C8orf88: variants seen among roughly 807,000 people sequenced by gnomAD.
The protein encoded by C8orf88 is uncharacterized protein C8orf88.
C8orf88 carries 14 observed loss-of-function variants against 18.4 expected under a neutral mutation model. The observed-to-expected ratio is 0.76, with a 90% CI of 0.50 to 1.19. C8orf88 has a LOEUF of 1.19. C8orf88 is among the 50% of genes most tolerant of loss of function. C8orf88 has a pLI of 0.00. For synonymous variants in C8orf88, 45 were observed against 42.9 expected (o/e 1.05, Z -0.19); for missense variants, 116 against 134.7 (o/e 0.86, Z 0.69).
chr8:90,983,061 T>C (rs1189505820), intron 1 of C8orf88, among the ~76,000 whole-genome samples: 2 of 152,084 alleles, frequency 1.3e-5, no homozygotes, highest in Non-Finnish European at 2.9e-5. Context: ...CCATGGAATG[T>C]AGAGATCAAA....
At chr8:90,962,002 C>T (rs1489102734) in intron 4 of C8orf88, among the ~76,000 whole-genome samples, 1 of 151,426 alleles carries the variant, frequency 6.6e-6, no homozygotes, top group African/African-American at 2.4e-5. Flanking sequence ...TAAAAAGATA[C>T]ACATGAAAAG....
At chr8:90,985,323 G>A (rs899664650), upstream of C8orf88, 3 of 151,096 alleles carry the variant, frequency 2.0e-5, no homozygotes, top group Non-Finnish European at 4.4e-5. Flanking sequence ...GCGGGCCCAG[G>A]GCGGGCGCGG....
chr8:90,985,356 C>T (rs1811494193), upstream of C8orf88: 2 of 151,720 alleles, frequency 1.3e-5, no homozygotes, highest in Admixed American at 6.6e-5. Flanking sequence ...GGCGCTGAGC[C>T]TCGAGAGCAG....
intron 2 of C8orf88, among the ~76,000 whole-genome samples, chr8:90,979,732 A>G (rs1325646866): frequency 1.3e-5 from 2 of 152,246 alleles, no homozygotes; most frequent in African/African-American, 4.8e-5. Context: ...CCATTCTAGC[A>G]ACAAGTAATG....
At chr8:90,978,712 A>C (rs1811389419) in intron 2 of C8orf88, 60 bp from the exon 3 acceptor site, 1 of 996,546 alleles carries the variant, frequency 1.0e-6, no homozygotes, top group African/African-American at 1.6e-5. Flanking sequence ...TAATATAATC[A>C]ACTAAAAAGC....
chr8:90,967,205 A>G (rs533969989), intron 4 of C8orf88, among the ~76,000 whole-genome samples: 69 of 151,868 alleles, frequency 4.5e-4, no homozygotes, highest in African/African-American at 1.7e-3. Flanking sequence ...AATCCTGTTA[A>G]TGTGGTGTAT....
At chr8:90,960,885 T>G in intron 4 of C8orf88, 37 bp from the exon 5 acceptor site, 2 of 1,219,810 alleles carry the variant, frequency 1.6e-6, no homozygotes. Flanking sequence ...TGTTAGGAAA[T>G]GTAGGGCTGT....
chr8:90,970,837 T>C (rs1042797912), intron 4 of C8orf88, among the ~76,000 whole-genome samples: 2 of 152,048 alleles, frequency 1.3e-5, no homozygotes, highest in Non-Finnish European at 2.9e-5. Flanking sequence ...CAGAATTTTA[T>C]GTGATATAGA....
chr8:90,976,492 A>G (rs185768251), intron 3 of C8orf88, among the ~76,000 whole-genome samples: 340 of 152,202 alleles, frequency 2.2e-3, no homozygotes, highest in African/African-American at 7.9e-3. Flanking sequence ...AGTAATGAAT[A>G]TTACTGTTGT....
chr8:90,980,984 C>T (rs531579790), intron 1 of C8orf88, among the ~76,000 whole-genome samples: 6 of 152,154 alleles, frequency 3.9e-5, no homozygotes, highest in South Asian at 2.1e-4. Flanking sequence ...GTCTTTCTTC[C>T]GAATTTGGCT....
At chr8:90,966,585 G>GT (rs1200053445) in intron 4 of C8orf88, among the ~76,000 whole-genome samples, 1 of 149,692 alleles carries the variant, frequency 6.7e-6, no homozygotes, top group Non-Finnish European at 1.5e-5. Flanking sequence ...AAAAAAGTTG[G>GT]TTTTTTGAAA....
chr8:90,961,603 C>A (rs1165768407), intron 4 of C8orf88, among the ~76,000 whole-genome samples: 1 of 151,144 alleles, frequency 6.6e-6, no homozygotes, highest in Non-Finnish European at 1.5e-5. Flanking sequence ...TCAAGAAATG[C>A]TAAAGGAATT....
At chr8:90,984,534 T>C (rs1440882066) in intron 1 of C8orf88, among the ~76,000 whole-genome samples, 2 of 152,328 alleles carry the variant, frequency 1.3e-5, no homozygotes, top group African/African-American at 4.8e-5. Context: ...AGTTCCAACA[T>C]ATCTTCCATT....
chr8:90,976,202 T>C (rs1338601304), intron 3 of C8orf88, among the ~76,000 whole-genome samples: 1 of 152,046 alleles, frequency 6.6e-6, no homozygotes, highest in Non-Finnish European at 1.5e-5. Flanking sequence ...AAGATTTTCA[T>C]TGTGGGGTTC....
At chr8:90,976,155 T>C (rs1811347011) in intron 3 of C8orf88, among the ~76,000 whole-genome samples, 1 of 152,014 alleles carries the variant, frequency 6.6e-6, no homozygotes, top group South Asian at 2.1e-4. Flanking sequence ...TGGTAAATTA[T>C]TGCAAGGGGA....
At position 90,972,416 on chromosome 8, in the gene C8orf88, T is replaced by TA. The variant is rs1299544105; in HGVS notation, c.148-1276_148-1275insT. Reference sequence around the variant, plus strand: ...TAACTATAAAATGGTATTCTAAAAATTAAAAAAAAAAACAATTTCTTGCCT... The same window carrying TA: ...TAACTATAAAATGGTATTCTAAAAATATAAAAAAAAAAACAATTTCTTGCCT... On this transcript the variant is annotated intron_variant, in intron 3 of 5. Transcript: ENST00000517562. 2.7e-5 allele frequency among the ~76,000 whole-genome samples: 4 copies of TA among 147,732 alleles called. No homozygotes were observed. In the East Asian group the frequency reaches 5.8e-4, roughly 22 times the overall value.
chr8:90,972,483 A>C (rs74350335), intron 3 of C8orf88, among the ~76,000 whole-genome samples: 2,511 of 152,180 alleles, frequency 0.017, 67 homozygotes, highest in East Asian at 0.14. Flanking sequence ...AGTGTGTAAC[A>C]TCTACTTAAA....
chr8:90,977,440 G>A (rs950897310), intron 3 of C8orf88, among the ~76,000 whole-genome samples: 1 of 152,056 alleles, frequency 6.6e-6, no homozygotes, highest in African/African-American at 2.4e-5. Context: ...GAAACATATA[G>A]ATGGCAGTCA....
intron 1 of C8orf88, among the ~76,000 whole-genome samples, chr8:90,984,794 G>A (rs1037949354): frequency 6.6e-6 from 1 of 152,176 alleles, no homozygotes; most frequent in African/African-American, 2.4e-5. Context: ...AGGTGCTGGG[G>A]CAGAGCCAAG....
Sources: gnomAD v4.1 joint callset for allele counts (sites outside exome capture counted in the v4.1 genomes callset) on GRCh38, gnomAD v4.1.1 for gene constraint, MANE v1.5 for transcripts, NCBI Gene and HGNC (gene_info 2026-07-23, HGNC 2026-07-21) for gene names.